LTBP1: variants seen among roughly 807,000 people sequenced by gnomAD.
LTBP1 encodes the protein latent transforming growth factor beta binding protein 1.
Under a neutral mutation model 207.6 loss-of-function variants are expected in LTBP1, and 129 were observed. That is an observed-to-expected ratio of 0.62 (90% CI 0.54 to 0.72). The LOEUF (loss-of-function observed/expected upper bound fraction) is 0.72, where lower values mean the gene tolerates loss of function less well. Among genes scored for constraint, LTBP1 ranks in the 30% least tolerant of loss-of-function variants. The pLI is 0.00. For missense variants in LTBP1, 2,281 were observed against 2,217.2 expected, an observed-to-expected ratio of 1.03 and a Z score of -0.58; for synonymous variants, 963 against 833.7, an observed-to-expected ratio of 1.16 and a Z score of -2.67.
intron 26 of LTBP1, among the ~76,000 whole-genome samples, chr2:33,353,799 C>G (rs1050564560): frequency 1.3e-5 from 2 of 151,690 alleles, no homozygotes; most frequent in Admixed American, 1.3e-4. Context: ...GACAATTGAA[C>G]TCAAATAGCA....
intron 3 of LTBP1, among the ~76,000 whole-genome samples, chr2:33,073,180 G>C (rs1472199773): frequency 6.6e-6 from 1 of 152,186 alleles, no homozygotes; most frequent in African/African-American, 2.4e-5. Context: ...CAGAGAGCTA[G>C]AAGGAAAGAA....
chr2:33,324,821 C>G (rs1477712304), intron 24 of LTBP1, among the ~76,000 whole-genome samples: 1 of 151,614 alleles, frequency 6.6e-6, no homozygotes, highest in Non-Finnish European at 1.5e-5. Flanking sequence ...CCTGCCTCAC[C>G]CTCCTGAGTA....
At chr2:33,349,014 G>A (rs528556492) in intron 26 of LTBP1, among the ~76,000 whole-genome samples, 1 of 152,230 alleles carries the variant, frequency 6.6e-6, no homozygotes, top group East Asian at 1.9e-4. Flanking sequence ...CTGAGAGACT[G>A]AGTTTAGCCA....
chr2:33,345,083 AGCACCTATGATAC>A (rs1249796531), intron 25 of LTBP1, among the ~76,000 whole-genome samples: 1 of 152,212 alleles, frequency 6.6e-6, no homozygotes, highest in African/African-American at 2.4e-5. Context: ...ATATTTACTA[AGCACCTATGATAC>A]GCACTTCACA....
rs146339932 is a variant in LTBP1 at position 33,025,473 on chromosome 2, G to T, written c.863+4267G>T. ...AAAAGTAATGGAAGGACGCCTCGTA[G>T]CTTAAACAAGGCTTAAGAAACACAT... On this transcript the variant is annotated intron_variant, in intron 3 of 33. Transcript: ENST00000404816. 4.4e-3 allele frequency among the ~76,000 whole-genome samples: 669 copies of T among 152,274 alleles called. 8 individuals carry two copies. Among genetic ancestry groups the T allele is most frequent in the African/African-American group, 0.015 (620 of 41,558 alleles).
chr2:33,075,927 A>G (rs1429586968), intron 3 of LTBP1, among the ~76,000 whole-genome samples: 1 of 152,184 alleles, frequency 6.6e-6, no homozygotes, highest in Non-Finnish European at 1.5e-5. Context: ...TTTTCAGGCT[A>G]TGAGATATAT....
chr2:33,134,560 C>T lies in LTBP1; in HGVS notation c.1034-233C>T. The T allele has an allele frequency of 6.5e-7, 1 of 1,530,364 alleles. No homozygotes were observed. 94.8% of individuals were successfully genotyped at this position (1,530,364 alleles called of 1,614,324 possible). ...TCAAATGTGGTTTTGGAGTGCATCC[C>T]AGAGTTCTGTTTGCTAAGCTTCCTA... On this transcript the variant is annotated intron_variant, in intron 4 of 33. Transcript: ENST00000404816. This position sits in a 1 kb window ranked among gnomAD's most constrained non-coding sequence, Gnocchi z 4.4.
At chr2:33,193,507 G>T (rs890170519) in intron 7 of LTBP1, among the ~76,000 whole-genome samples, 1 of 152,104 alleles carries the variant, frequency 6.6e-6, no homozygotes, top group South Asian at 2.1e-4. Flanking sequence ...CATGATGTTC[G>T]TAGTTTACAG....
In LTBP1 at chr2:33,347,521, G is replaced by A. The variant is rs185840788; in HGVS notation, c.4000+11G>A. On this transcript the variant is annotated intron_variant, in intron 26 of 33. Transcript: ENST00000404816. Reference sequence around the variant, plus strand: ...CCCGGACCTCCACAGGTAAGTCCCAGTGACACTGTGCAAGGGAATGACAGG... The same window carrying A: ...CCCGGACCTCCACAGGTAAGTCCCAATGACACTGTGCAAGGGAATGACAGG... 176 of 1,613,956 alleles carry A rather than the reference G, an allele frequency of 1.1e-4. No individual in the cohort carries two copies. The African/African-American group carries it at 1.9e-3, about 17-fold the overall frequency.
intron 4 of LTBP1, 37 bp downstream of exon 4, chr2:33,110,788 G>A: frequency 1.3e-6 from 2 of 1,590,688 alleles, no homozygotes; most frequent in Non-Finnish European, 1.7e-6. Flanking sequence ...CCCAAGTTAT[G>A]GTATCAGAGA....
intron 3 of LTBP1, among the ~76,000 whole-genome samples, chr2:33,104,666 C>T (rs1381034533): frequency 1.3e-5 from 2 of 152,116 alleles, no homozygotes; most frequent in Non-Finnish European, 1.5e-5. Flanking sequence ...TGTGAGTATC[C>T]TCCAAGACTG....
intron 5 of LTBP1, among the ~76,000 whole-genome samples, chr2:33,178,636 G>T (rs1159003768): frequency 6.6e-6 from 1 of 152,158 alleles, no homozygotes; most frequent in Non-Finnish European, 1.5e-5. Flanking sequence ...GATAGGTGGC[G>T]ATGGAATGAA....
chr2:33,396,370 A>G (rs1481405194), intron 32 of LTBP1, among the ~76,000 whole-genome samples: 2 of 151,908 alleles, frequency 1.3e-5, no homozygotes, highest in Non-Finnish European at 2.9e-5. Flanking sequence ...ACAGGTGTCC[A>G]CCACCACGCC....
chr2:33,197,785 C>A (rs1558797540), intron 7 of LTBP1, among the ~76,000 whole-genome samples: 1 of 152,158 alleles, frequency 6.6e-6, no homozygotes, highest in East Asian at 1.9e-4. Context: ...GTCCAGCTTC[C>A]ATGCTGAACC....
intron 31 of LTBP1, among the ~76,000 whole-genome samples, chr2:33,367,173 T>C (rs1383398337): frequency 6.6e-6 from 1 of 152,156 alleles, no homozygotes; most frequent in African/African-American, 2.4e-5. Context: ...ATGTCATCAA[T>C]CTAAGCTACA....
At chr2:32,969,785 C>A (rs1680585195) in intron 2 of LTBP1, among the ~76,000 whole-genome samples, 1 of 152,120 alleles carries the variant, frequency 6.6e-6, no homozygotes, top group Non-Finnish European at 1.5e-5. Flanking sequence ...TGGGTATATA[C>A]CCAATAATGG....
At chr2:33,307,762 G>A (rs948582349) in intron 22 of LTBP1, among the ~76,000 whole-genome samples, 1 of 152,184 alleles carries the variant, frequency 6.6e-6, no homozygotes, top group Non-Finnish European at 1.5e-5. Flanking sequence ...TGTGTTTTAT[G>A]TTTTAGGGTC....
intron 3 of LTBP1, among the ~76,000 whole-genome samples, chr2:33,064,718 C>T (rs2077422263): frequency 6.6e-6 from 1 of 152,176 alleles, no homozygotes; most frequent in Non-Finnish European, 1.5e-5. Flanking sequence ...TTTTCCAAGA[C>T]TGTGTACTAT....
At chr2:33,107,027 T>C (rs1440506577) in intron 3 of LTBP1, among the ~76,000 whole-genome samples, 1 of 152,236 alleles carries the variant, frequency 6.6e-6, no homozygotes, top group African/African-American at 2.4e-5. Flanking sequence ...TCTGTGTCTG[T>C]ACTCTTTCAG....
Sources: allele counts gnomAD v4.1 joint callset (sites outside exome capture counted in the v4.1 genomes callset), GRCh38; gene constraint gnomAD v4.1.1; non-coding constraint Gnocchi (gnomAD v3.1); transcripts MANE v1.5; gene names NCBI Gene and HGNC (gene_info 2026-07-23, HGNC 2026-07-21).